The following KIAA1549L variants were observed in gnomAD, a reference collection of about 807,000 sequenced individuals.
KIAA1549L encodes the protein UPF0606 protein KIAA1549L.
KIAA1549L carries 88 observed loss-of-function variants against 160.7 expected under a neutral mutation model. That is an observed-to-expected ratio of 0.55 (90% CI 0.46 to 0.65). The LOEUF (loss-of-function observed/expected upper bound fraction) is 0.65, where lower values mean the gene tolerates loss of function less well. Ranked by LOEUF, KIAA1549L falls within the 30% of genes least tolerant of loss-of-function variation. The pLI is 0.00. For synonymous variants in KIAA1549L, 950 were observed against 976.7 expected (o/e 0.97, Z 0.51); for missense variants, 2,258 against 2,437.5 (o/e 0.93, Z 1.55).
At chr11:33,592,496 A>G (rs182824471) in intron 12 of KIAA1549L, among the ~76,000 whole-genome samples, 6 of 152,314 alleles carry the variant, frequency 3.9e-5, no homozygotes, top group Admixed American at 6.5e-5. Flanking sequence ...TGAGACTACT[A>G]TGGAGACTGA....
intron 1 of KIAA1549L, among the ~76,000 whole-genome samples, chr11:33,426,466 A>G (rs1851118700): frequency 6.6e-6 from 1 of 152,154 alleles, no homozygotes; most frequent in South Asian, 2.1e-4. Flanking sequence ...ATTGAGAGCA[A>G]GGAGGGTTAA....
chr11:33,527,741 A>G (rs1853646285), intron 1 of KIAA1549L, among the ~76,000 whole-genome samples: 1 of 152,248 alleles, frequency 6.6e-6, no homozygotes, highest in South Asian at 2.1e-4. Context: ...GCAAGAAAAA[A>G]ACAAATAATT....
Position 33,516,221 on chromosome 11 carries a change from G to A in KIAA1549L, c.239-25581G>A, listed in dbSNP as rs1313505204. Among the ~76,000 whole-genome samples the A allele has an allele frequency of 1.4e-4, 2 of 14,752 alleles. 1 individual carries two copies. The highest frequency in any genetic ancestry group is 2.1e-4 in the Non-Finnish European group (2 of 9,502). The allele number at this position is 14,752 out of a possible 152,430, so 9.7% of individuals were successfully genotyped here. ...GGCTGGAGTGCAGTGGCGCAATCTC[G>A]GCTCACTGCAAGCTCCGCCTCTCGG... On this transcript the variant is annotated intron_variant, in intron 1 of 20. Transcript: ENST00000658780.
At chr11:33,422,552 C>T (rs1197710830) in intron 1 of KIAA1549L, among the ~76,000 whole-genome samples, 1 of 112,454 alleles carries the variant, frequency 8.9e-6, no homozygotes, top group Non-Finnish European at 1.8e-5. Context: ...CCCCCCTTCC[C>T]CCCCTCCTCT....
At chr11:33,497,329 A>G (rs565216688) in intron 1 of KIAA1549L, among the ~76,000 whole-genome samples, 4 of 152,192 alleles carry the variant, frequency 2.6e-5, no homozygotes, top group Non-Finnish European at 4.4e-5. Context: ...TTCACCAACT[A>G]ACTTAAGTTG....
intron 1 of KIAA1549L, among the ~76,000 whole-genome samples, chr11:33,382,650 C>G (rs1258570107): frequency 6.6e-6 from 1 of 152,028 alleles, no homozygotes; most frequent in East Asian, 1.9e-4. Context: ...GTAGATGGCC[C>G]AATAAAATAT....
chr11:33,588,108 G>A (rs1038438559), intron 11 of KIAA1549L, among the ~76,000 whole-genome samples: 3 of 152,204 alleles, frequency 2.0e-5, no homozygotes, highest in Non-Finnish European at 2.9e-5. Flanking sequence ...GGGAACTCAT[G>A]ATAATACCTA....
chr11:33,530,436 A>AAAATATATAT (rs1853735474), intron 1 of KIAA1549L, among the ~76,000 whole-genome samples: 1 of 11,888 alleles, frequency 8.4e-5, no homozygotes, highest in African/African-American at 3.7e-4. Context: ...AAAAAAAAAA[A>AAAATATATAT]ATATATATAT....
At chr11:33,548,794 A>C (rs1854353100) in intron 4 of KIAA1549L, among the ~76,000 whole-genome samples, 1 of 152,220 alleles carries the variant, frequency 6.6e-6, no homozygotes, top group African/African-American at 2.4e-5. Context: ...TCCCATTTGC[A>C]CCACTAAAAA....
intron 1 of KIAA1549L, among the ~76,000 whole-genome samples, chr11:33,521,198 A>G (rs967106453): frequency 1.3e-5 from 2 of 152,144 alleles, no homozygotes; most frequent in South Asian, 4.1e-4. Flanking sequence ...TCTAAAAGGT[A>G]AACTCTTCAT....
At chr11:33,656,211 A>T in intron 18 of KIAA1549L, 102 bp downstream of exon 18, 1 of 830,442 alleles carries the variant, frequency 1.2e-6, no homozygotes, top group African/African-American at 1.7e-5. Context: ...TTCATGCTCC[A>T]CCCCATCCAG....
intron 15 of KIAA1549L, among the ~76,000 whole-genome samples, chr11:33,610,221 A>G (rs961253669): frequency 1.3e-5 from 2 of 152,218 alleles, no homozygotes; most frequent in South Asian, 2.1e-4. Context: ...GTATTTTCAA[A>G]CCAGTTGCTT....
intron 8 of KIAA1549L, among the ~76,000 whole-genome samples, chr11:33,567,175 T>C (rs532407266): frequency 8.5e-5 from 13 of 152,184 alleles, no homozygotes; most frequent in Non-Finnish European, 1.9e-4. Context: ...GCAGATGCCC[T>C]GGCTATAGAT....
intron 16 of KIAA1549L, among the ~76,000 whole-genome samples, chr11:33,618,986 C>T (rs1175751790): frequency 6.6e-6 from 1 of 152,118 alleles, no homozygotes. Context: ...GGGACCACGG[C>T]CATGGGTTAG....
intron 1 of KIAA1549L, among the ~76,000 whole-genome samples, chr11:33,518,896 TC>T (rs1450436063): frequency 1.3e-5 from 2 of 152,210 alleles, no homozygotes; most frequent in African/African-American, 4.8e-5. Context: ...TTATCGAGTA[TC>T]CCAAATCTGG....
chr11:33,377,788 G>T (rs1849986867), intron 1 of KIAA1549L, among the ~76,000 whole-genome samples: 1 of 152,152 alleles, frequency 6.6e-6, no homozygotes, highest in Non-Finnish European at 1.5e-5. Context: ...CTTTCTCAGA[G>T]TACCCCCTCC....
intron 10 of KIAA1549L, among the ~76,000 whole-genome samples, chr11:33,580,602 G>GA (rs71457309): frequency 2.4e-4 from 33 of 138,350 alleles, no homozygotes; most frequent in African/African-American, 7.5e-4. Context: ...GAAAAGAAAA[G>GA]AAAAAAAAAG....
chr11:33,594,396 G>A (rs73492964), intron 12 of KIAA1549L, among the ~76,000 whole-genome samples: 4,528 of 152,228 alleles, frequency 0.03, 220 homozygotes, highest in African/African-American at 0.1. Flanking sequence ...GCTAGGCTTG[G>A]CTGACCTTAG....
At chr11:33,659,278 T>C (rs1426653213) in intron 19 of KIAA1549L, among the ~76,000 whole-genome samples, 1 of 152,254 alleles carries the variant, frequency 6.6e-6, no homozygotes, top group South Asian at 2.1e-4. Flanking sequence ...TTGCCACATA[T>C]GTATGTTTAT....
Sources: allele counts gnomAD v4.1 joint callset (sites outside exome capture counted in the v4.1 genomes callset), GRCh38; gene constraint gnomAD v4.1.1; transcripts MANE v1.5; gene names NCBI Gene and HGNC (gene_info 2026-07-23, HGNC 2026-07-21).